Variants in LARGE1 observed in about 807,000 individuals in gnomAD.
The protein encoded by LARGE1 is LARGE xylosyl- and glucuronyltransferase 1, also known as xylosyl- and glucuronyltransferase LARGE1.
Under a neutral mutation model 87.6 loss-of-function variants are expected in LARGE1, and 43 were observed. The ratio of observed to expected loss-of-function variants is 0.49; its 90% CI spans 0.38 to 0.63. The LOEUF is 0.63. LARGE1 is among the 30% of genes least tolerant of loss of function. The probability of loss-of-function intolerance (pLI) is 0.00; values close to 1 mark genes in which losing one functional copy is unlikely to be tolerated. For synonymous variants in LARGE1, 434 were observed against 394.6 expected (o/e 1.10, Z -1.18); for missense variants, 802 against 1,000.2 (o/e 0.80, Z 2.67).
intron 1 of LARGE1, among the ~76,000 whole-genome samples, chr22:33,763,302 G>A (rs1398716342): frequency 6.6e-6 from 1 of 152,196 alleles, no homozygotes; most frequent in Admixed American, 6.5e-5. Flanking sequence ...AACTGTCAAT[G>A]CTGAGCCTGC....
intron 1 of LARGE1, among the ~76,000 whole-genome samples, chr22:33,911,924 T>C (rs2065649956): frequency 6.6e-6 from 1 of 151,988 alleles, no homozygotes; most frequent in Admixed American, 6.6e-5. Context: ...CTCACCCACC[T>C]CTCCCTCCCG....
At chr22:33,791,112 A>G (rs972265586) in intron 1 of LARGE1, among the ~76,000 whole-genome samples, 1 of 152,344 alleles carries the variant, frequency 6.6e-6, no homozygotes, top group African/African-American at 2.4e-5. Flanking sequence ...ATGAAGAATG[A>G]AAACTTTATT....
intron 11 of LARGE1, among the ~76,000 whole-genome samples, chr22:33,195,120 C>A (rs543059154): frequency 7.9e-5 from 12 of 152,030 alleles, no homozygotes; most frequent in Non-Finnish European, 4.4e-5. Context: ...TTATTAGAAC[C>A]GTCATATCTC....
At chr22:33,625,384 A>C (rs2079888573) in intron 4 of LARGE1, among the ~76,000 whole-genome samples, 1 of 152,234 alleles carries the variant, frequency 6.6e-6, no homozygotes, top group Non-Finnish European at 1.5e-5. Context: ...AGAGATGAGC[A>C]TCCAGAGGCA....
At chr22:33,545,654 G>C (rs1210571116) in intron 6 of LARGE1, among the ~76,000 whole-genome samples, 1 of 152,166 alleles carries the variant, frequency 6.6e-6, no homozygotes, top group African/African-American at 2.4e-5. Flanking sequence ...GGCCAGGCTG[G>C]TCTCGAACTT....
chr22:33,120,337 CTTTT>C, the LARGE1 span, among the ~76,000 whole-genome samples: 1 of 146,962 alleles, frequency 6.8e-6, no homozygotes, highest in African/African-American at 2.5e-5. Context: ...TTCTTTCTTT[CTTTT>C]TCTTTCTTTT....
At chr22:33,096,931 T>C in the LARGE1 span, among the ~76,000 whole-genome samples, 1 of 152,228 alleles carries the variant, frequency 6.6e-6, no homozygotes, top group Non-Finnish European at 1.5e-5. Flanking sequence ...AAATCTGAGT[T>C]CTTTACTGCA....
chr22:33,416,612 C>CT lies in LARGE1; in HGVS notation c.892+15548dup, dbSNP rs377337404. On this transcript the variant is annotated intron_variant, in intron 7 of 14. Coordinates refer to ENST00000397394, the MANE Select transcript of LARGE1 (RefSeq NM_133642.5). Reference sequence around the variant, plus strand: ...AGACACCCATTTTCTTTTTTACTTTCTTTTTTTTTGAGACGGAGTCTCGCA... The same window carrying CT: ...AGACACCCATTTTCTTTTTTACTTTCTTTTTTTTTTGAGACGGAGTCTCGCA... 6.0e-4 allele frequency among the ~76,000 whole-genome samples: 91 copies of CT among 151,254 alleles called. 1 individual carries two copies. The highest frequency in any genetic ancestry group is 2.0e-3 in the African/African-American group (84 of 41,258).
At chr22:33,735,742 C>T (rs183017223) in intron 2 of LARGE1, among the ~76,000 whole-genome samples, 1 of 152,314 alleles carries the variant, frequency 6.6e-6, no homozygotes, top group Non-Finnish European at 1.5e-5. Flanking sequence ...TCACCGCTAT[C>T]TAATTCCGTA....
intron 2 of LARGE1, among the ~76,000 whole-genome samples, chr22:33,713,107 C>T (rs994191961): frequency 1.1e-4 from 16 of 152,048 alleles, no homozygotes; most frequent in African/African-American, 3.9e-4. Flanking sequence ...TATCTATTTT[C>T]TTATAATTAA....
chr22:33,492,633 C>A (rs1330186045), intron 6 of LARGE1, among the ~76,000 whole-genome samples: 3 of 152,208 alleles, frequency 2.0e-5, no homozygotes, highest in Non-Finnish European at 1.5e-5. Context: ...CTTTCACTTA[C>A]ACAATTCCTA....
chr22:33,554,240 C>T (rs1341733396), intron 6 of LARGE1, among the ~76,000 whole-genome samples: 1 of 152,014 alleles, frequency 6.6e-6, no homozygotes, highest in Non-Finnish European at 1.5e-5. Context: ...ATCCTGCCCC[C>T]ATCCAATGAG....
intron 1 of LARGE1, among the ~76,000 whole-genome samples, chr22:33,831,695 G>A (rs1362543005): frequency 6.6e-6 from 1 of 151,814 alleles, no homozygotes; most frequent in African/African-American, 2.4e-5. Context: ...CATACCACTA[G>A]CAAACAGTGG....
At chr22:33,139,982 A>C in the LARGE1 span, among the ~76,000 whole-genome samples, 1 of 152,180 alleles carries the variant, frequency 6.6e-6, no homozygotes, top group Non-Finnish European at 1.5e-5. Flanking sequence ...ACTGGGCTGG[A>C]GGGCTGCCTC....
At chr22:33,433,027 G>A (rs1335337960) in intron 6 of LARGE1, among the ~76,000 whole-genome samples, 6 of 152,150 alleles carry the variant, frequency 3.9e-5, no homozygotes, top group Admixed American at 3.9e-4. Context: ...CTCTTAGGGC[G>A]TACATGTCTC....
intron 1 of LARGE1, among the ~76,000 whole-genome samples, chr22:33,795,433 G>GGA (rs1479923218): frequency 1.3e-5 from 2 of 151,836 alleles, no homozygotes; most frequent in Non-Finnish European, 2.9e-5. Context: ...GGAGGGAGAG[G>GGA]GAGAGAGAGA....
chr22:33,279,445 G>C (rs929812422), intron 13 of LARGE1, among the ~76,000 whole-genome samples: 4 of 152,188 alleles, frequency 2.6e-5, no homozygotes, highest in Non-Finnish European at 5.9e-5. Flanking sequence ...TTCTGGCAGG[G>C]AATGCAACTG....
intron 6 of LARGE1, among the ~76,000 whole-genome samples, chr22:33,538,864 T>C (rs563170397): frequency 5.7e-4 from 87 of 152,208 alleles, no homozygotes; most frequent in South Asian, 8.3e-4. Flanking sequence ...TCAGAATGCT[T>C]AATACAGAGT....
At chr22:33,087,864 G>A in the LARGE1 span, among the ~76,000 whole-genome samples, 5 of 152,196 alleles carry the variant, frequency 3.3e-5, no homozygotes, top group Non-Finnish European at 5.9e-5. Context: ...GAATCGGGAG[G>A]TGGAAGTTGC....
Sources: gnomAD v4.1 joint callset for allele counts (sites outside exome capture counted in the v4.1 genomes callset) on GRCh38, gnomAD v4.1.1 for gene constraint, MANE v1.5 for transcripts, NCBI Gene and HGNC (gene_info 2026-07-23, HGNC 2026-07-21) for gene names.